RALYL: variants seen among roughly 807,000 people sequenced by gnomAD.
RALYL encodes the protein RNA-binding Raly-like protein.
Under a neutral mutation model 35.1 loss-of-function variants are expected in RALYL, and 29 were observed. The ratio of observed to expected loss-of-function variants is 0.83; its 90% CI spans 0.61 to 1.13. The LOEUF (loss-of-function observed/expected upper bound fraction) is 1.13. RALYL is among the 50% of genes most tolerant of loss of function. The pLI, the probability that RALYL is intolerant of heterozygous loss-of-function variation, is 0.00. For missense variants in RALYL, 359 were observed against 360.4 expected, an observed-to-expected ratio of 1.00 and a Z score of 0.03; for synonymous variants, 120 against 127.6, an observed-to-expected ratio of 0.94 and a Z score of 0.40.
intron 1 of RALYL, among the ~76,000 whole-genome samples, chr8:84,506,692 T>G (rs188977011): frequency 6.6e-6 from 1 of 152,130 alleles, no homozygotes; most frequent in Admixed American, 6.6e-5. Context: ...ATGATAAATT[T>G]TAAATTATTT....
chr8:84,353,584 T>C (rs1197558314), intron 1 of RALYL, among the ~76,000 whole-genome samples: 1 of 150,418 alleles, frequency 6.6e-6, no homozygotes, highest in Non-Finnish European at 1.5e-5. Flanking sequence ...ATATGCAAAT[T>C]TACGATTAAT....
chr8:84,201,227 A>C (rs1327493295), intron 1 of RALYL, among the ~76,000 whole-genome samples: 1 of 133,516 alleles, frequency 7.5e-6, no homozygotes, highest in Non-Finnish European at 1.6e-5. Flanking sequence ...AAATACTTCA[A>C]ATTTATAGAA....
At chr8:84,325,767 T>G (rs1247782000) in intron 1 of RALYL, among the ~76,000 whole-genome samples, 2 of 152,218 alleles carry the variant, frequency 1.3e-5, no homozygotes, top group African/African-American at 4.8e-5. Flanking sequence ...TCTACGTGGC[T>G]AGCAGATAAC....
Position 84,775,756 on chromosome 8 carries a change from G to A in RALYL, c.332+1102G>A, listed in dbSNP as rs1816692678. On this transcript the variant is annotated intron_variant, in intron 3 of 8. Transcript: ENST00000521268. ...TTAAGTAGAATTGAGTTGATTTTGG[G>A]GAAGAGTACAAGAGTAAACTTATAT... is the stretch of plus-strand genomic sequence containing the variant. 2.0e-5 allele frequency among the ~76,000 whole-genome samples: 3 copies of A among 152,100 alleles called. No homozygotes were observed. In the South Asian group the frequency reaches 6.2e-4, roughly 32 times the overall value.
At chr8:84,593,348 T>G (rs531499527) in intron 2 of RALYL, among the ~76,000 whole-genome samples, 1 of 152,204 alleles carries the variant, frequency 6.6e-6, no homozygotes, top group South Asian at 2.1e-4. Flanking sequence ...TTCTGTCAAC[T>G]GATAAACTTT....
intron 2 of RALYL, among the ~76,000 whole-genome samples, chr8:84,571,616 TCTC>T (rs1236899990): frequency 6.6e-6 from 1 of 151,810 alleles, no homozygotes; most frequent in Non-Finnish European, 1.5e-5. Context: ...CTCATTTAGT[TCTC>T]CTCTTATCTT....
At chr8:84,614,671 C>G (rs1284347456) in intron 2 of RALYL, among the ~76,000 whole-genome samples, 1 of 151,236 alleles carries the variant, frequency 6.6e-6, no homozygotes, top group African/African-American at 2.4e-5. Flanking sequence ...ACCTTTGCAC[C>G]AACCTACTAG....
At chr8:84,732,638 T>C (rs1282404638) in intron 2 of RALYL, among the ~76,000 whole-genome samples, 1 of 142,094 alleles carries the variant, frequency 7.0e-6, no homozygotes, top group African/African-American at 2.7e-5. Context: ...ATCTGAGAAG[T>C]CTAATTTTAT....
At chr8:84,908,213 G>A (rs777064829) in intron 8 of RALYL, among the ~76,000 whole-genome samples, 12 of 152,120 alleles carry the variant, frequency 7.9e-5, no homozygotes, top group Admixed American at 7.9e-4. Context: ...TTTGTGATGA[G>A]AACATTTGAA....
intron 1 of RALYL, among the ~76,000 whole-genome samples, chr8:84,419,880 A>AT (rs1343858274): frequency 3.3e-5 from 5 of 151,622 alleles, no homozygotes; most frequent in Non-Finnish European, 5.9e-5. Context: ...TTAACTCATC[A>AT]TTTTTTATGG....
chr8:84,559,067 C>T (rs1242043519), intron 2 of RALYL, among the ~76,000 whole-genome samples: 1 of 151,958 alleles, frequency 6.6e-6, no homozygotes, highest in East Asian at 1.9e-4. Flanking sequence ...CAAAATAGCA[C>T]TTTCTGTTTG....
intron 2 of RALYL, among the ~76,000 whole-genome samples, chr8:84,667,553 G>C (rs1440917347): frequency 6.6e-6 from 1 of 152,060 alleles, no homozygotes; most frequent in Non-Finnish European, 1.5e-5. Context: ...GTTGGTACTT[G>C]AATATCAGTT....
At chr8:84,772,319 C>T (rs1309727798) in intron 2 of RALYL, among the ~76,000 whole-genome samples, 1 of 152,032 alleles carries the variant, frequency 6.6e-6, no homozygotes, top group East Asian at 1.9e-4. Context: ...CCAAGTGTAT[C>T]ATGGCTATGT....
At chr8:84,643,199 C>G (rs1826764022) in intron 2 of RALYL, among the ~76,000 whole-genome samples, 1 of 151,838 alleles carries the variant, frequency 6.6e-6, no homozygotes, top group African/African-American at 2.4e-5. Flanking sequence ...CCCCCACCCC[C>G]AAAAGTCAGC....
chr8:84,694,271 A>C (rs1041952566), intron 2 of RALYL, among the ~76,000 whole-genome samples: 5 of 151,996 alleles, frequency 3.3e-5, no homozygotes, highest in Non-Finnish European at 7.4e-5. Context: ...AAATTCATTA[A>C]AGTTGCAGGA....
rs1257847242 is a variant in RALYL, at chr8:84,271,916, CTA to C, written c.-24+87497_-24+87498del. ...TTGCATTGTGATAATTATTGCACAACTATATAATGGTACTAAAATTGAATTGT... is the reference window on the plus strand; with the variant it reads ...TTGCATTGTGATAATTATTGCACAACTATAATGGTACTAAAATTGAATTGT... On this transcript the variant is annotated intron_variant, in intron 1 of 8. Transcript: ENST00000521268. 3.9e-5 allele frequency among the ~76,000 whole-genome samples: 6 copies of C among 152,016 alleles called. No individual in the cohort carries two copies. In the East Asian group the frequency reaches 9.6e-4, roughly 24 times the overall value.
rs143128367 is a variant in RALYL, at chr8:84,749,343, C to A, written c.257-25236C>A. ...TTGTACCAATTTTTTTTATAGACTT[C>A]TGGCCATATGGCTTTGCCTTAAATG... On this transcript the variant is annotated intron_variant, in intron 2 of 8. Coordinates refer to ENST00000521268, the MANE Select transcript of RALYL (RefSeq NM_173848.7). Among the ~76,000 whole-genome samples, 6 of 152,112 alleles carry A rather than the reference C, an allele frequency of 3.9e-5. No homozygotes were observed. In the East Asian group the frequency reaches 1.2e-3, roughly 29 times the overall value.
intron 1 of RALYL, among the ~76,000 whole-genome samples, chr8:84,320,384 A>G (rs1193181550): frequency 2.6e-5 from 4 of 151,876 alleles, no homozygotes; most frequent in Admixed American, 2.0e-4. Flanking sequence ...CTCACTATAT[A>G]TCTATACACA....
chr8:84,581,529 A>G (rs10217027), intron 2 of RALYL, among the ~76,000 whole-genome samples: 9,537 of 152,174 alleles, frequency 0.063, 710 homozygotes, highest in African/African-American at 0.18. Context: ...TCCTGCAGAG[A>G]GCTGGCACAT....
Sources: allele counts gnomAD v4.1 joint callset (sites outside exome capture counted in the v4.1 genomes callset), GRCh38; gene constraint gnomAD v4.1.1; transcripts MANE v1.5; gene names NCBI Gene and HGNC (gene_info 2026-07-23, HGNC 2026-07-21).